SLC45A4: variants seen among roughly 807,000 people sequenced by gnomAD.
The protein encoded by SLC45A4 is solute carrier family 45 member 4.
In SLC45A4, 32 loss-of-function variants were observed where a neutral mutation model predicts 63.7. The observed-to-expected ratio is 0.50, with a 90% confidence interval of 0.38 to 0.67. The LOEUF is 0.67. Among genes scored for constraint, SLC45A4 ranks in the 30% least tolerant of loss-of-function variants. SLC45A4 has a pLI of 0.00. For missense variants in SLC45A4, 1,027 were observed against 1,157.7 expected (o/e 0.89, Z 1.64); for synonymous variants, 535 against 510.0 (o/e 1.05, Z -0.66).
In SLC45A4 at chr8:141,254,441, G is replaced by T; in HGVS notation, c.-212C>A. The T allele has an allele frequency of 1.4e-5, 9 of 651,762 alleles. No homozygotes were observed. The highest frequency in any genetic ancestry group is 3.9e-4 in the Middle Eastern group (1 of 2,576). The allele number at this position is 651,762 out of a possible 1,614,324, so 40.4% of individuals were successfully genotyped here. A position where few individuals can be genotyped will look rare whatever the true frequency, so the allele number is the denominator to read the frequency against. On this transcript the variant is annotated 5_prime_UTR_variant, in exon 2 of 9. Transcript: ENST00000517878. The surrounding 1 kb of genome is among the most constrained non-coding windows in gnomAD (Gnocchi z 4.5). The stretch of plus-strand genomic sequence containing the variant: ...CAGCAACACAGAACGATTTTTGGTT[G>T]GATTTTAAACATATGGCTTGCTGGT...
intron 1 of SLC45A4, among the ~76,000 whole-genome samples, chr8:141,272,053 C>T (rs954045338): frequency 6.6e-6 from 1 of 152,218 alleles, no homozygotes; most frequent in Non-Finnish European, 1.5e-5. Context: ...GTGCAACACA[C>T]ACCTGCGCAC....
chr8:141,236,398 C>A (rs1827627250), intron 2 of SLC45A4, among the ~76,000 whole-genome samples: 1 of 152,224 alleles, frequency 6.6e-6, no homozygotes, highest in Non-Finnish European at 1.5e-5. Flanking sequence ...AAGTGTCTAA[C>A]AGTTACTTCC....
intron 2 of SLC45A4, among the ~76,000 whole-genome samples, chr8:141,252,974 C>CCCACCTGTGCGTCTGT: frequency 2.0e-5 from 1 of 49,078 alleles, no homozygotes; most frequent in African/African-American, 9.7e-5. Flanking sequence ...TGCGTGTCCG[C>CCCACCTGTGCGTCTGT]GAATTTCCGT....
Position 141,254,474 on chromosome 8 carries a change from G to GA in SLC45A4, c.-246dup. The GA allele has an allele frequency of 1.5e-6, 1 of 674,076 alleles. No individual in the cohort carries two copies. The highest frequency in any genetic ancestry group is 2.7e-6 in the Non-Finnish European group (1 of 369,904). The allele number at this position is 674,076 out of a possible 1,614,324, so 41.8% of individuals were successfully genotyped here. A position where few individuals can be genotyped will look rare whatever the true frequency, so the allele number is the denominator to read the frequency against. On this transcript the variant is annotated 5_prime_UTR_variant, in exon 2 of 9. An upstream open reading frame in the 5' UTR loses its in-frame stop. Coordinates refer to ENST00000517878, the MANE Select transcript of SLC45A4 (RefSeq NM_001286646.2). This position sits in a 1 kb window ranked among gnomAD's most constrained non-coding sequence, Gnocchi z 4.5. ...AACATATGGCTTGCTGGTTTACTGT[G>GA]AATTAGAGTTAAAAATCCATAATTG...
Position 141,229,099 on chromosome 8 carries a change from C to T in SLC45A4, c.242-7334G>A, listed in dbSNP as rs552081338. Reference sequence around the variant, plus strand: ...CTGCCTGAAGTACTTTACCTTCCCCCCTTACCTGACATTCAATAACTGCTT... The same window carrying T: ...CTGCCTGAAGTACTTTACCTTCCCCTCTTACCTGACATTCAATAACTGCTT... On this transcript the variant is annotated intron_variant, in intron 2 of 8. Coordinates refer to ENST00000517878, the MANE Select transcript of SLC45A4 (RefSeq NM_001286646.2). The surrounding 1 kb of genome is among the most constrained non-coding windows in gnomAD (Gnocchi z 5.0). Among the ~76,000 whole-genome samples the T allele has an allele frequency of 2.0e-5, 3 of 152,312 alleles. No individual in the cohort carries two copies. The highest frequency in any genetic ancestry group is 2.9e-5 in the Non-Finnish European group (2 of 68,026).
At chr8:141,283,707 G>C (rs1297581254) in intron 1 of SLC45A4, among the ~76,000 whole-genome samples, 1 of 152,232 alleles carries the variant, frequency 6.6e-6, no homozygotes, top group Non-Finnish European at 1.5e-5. Flanking sequence ...AAGTGGCAGT[G>C]TGGGTACAGC....
At chr8:141,262,927 C>A (rs1218306571) in intron 1 of SLC45A4, among the ~76,000 whole-genome samples, 1 of 151,392 alleles carries the variant, frequency 6.6e-6, no homozygotes, top group African/African-American at 2.4e-5. Context: ...ATGTTTATTG[C>A]AGCACTATTC....
chr8:141,240,437 T>C (rs925621505), intron 2 of SLC45A4, among the ~76,000 whole-genome samples: 12 of 152,294 alleles, frequency 7.9e-5, no homozygotes, highest in African/African-American at 2.9e-4. Context: ...GGAAAAAGGC[T>C]ACATGGGAAA....
chr8:141,210,625 AATTT>A lies in SLC45A4; in HGVS notation c.*943_*946del, dbSNP rs1393397641. ...CTTTAAATACACAGAAAATTCAAGTAATTTATTTAAAAACTGCTTTAGTTTCATC... is the reference window on the plus strand; with the variant it reads ...CTTTAAATACACAGAAAATTCAAGTAATTTAAAAACTGCTTTAGTTTCATC... On this transcript the variant is annotated 3_prime_UTR_variant, in exon 9 of 9. Transcript: ENST00000517878. 2.6e-5 allele frequency: 4 copies of A among 152,306 alleles called. No homozygotes were observed. Among genetic ancestry groups the A allele is most frequent in the Middle Eastern group, 3.4e-3 (1 of 294 alleles). The allele number at this position is 152,306 out of a possible 1,614,324, so 9.4% of individuals were successfully genotyped here. A position where few individuals can be genotyped will look rare whatever the true frequency, so the allele number is the denominator to read the frequency against.
intron 1 of SLC45A4, among the ~76,000 whole-genome samples, chr8:141,294,863 T>C (rs1830485872): frequency 1.3e-5 from 2 of 152,176 alleles, no homozygotes; most frequent in African/African-American, 4.8e-5. Context: ...ATGCCAAACC[T>C]AGGCCTCATC....
chr8:141,285,161 G>A (rs937010033), intron 1 of SLC45A4, among the ~76,000 whole-genome samples: 16 of 152,202 alleles, frequency 1.1e-4, no homozygotes, highest in Admixed American at 4.6e-4. Context: ...CGGGTGAAAC[G>A]CCAGCTCCTG....
intron 1 of SLC45A4, among the ~76,000 whole-genome samples, chr8:141,272,457 G>T (rs767310992): frequency 1.3e-5 from 2 of 152,192 alleles, no homozygotes; most frequent in Non-Finnish European, 2.9e-5. Flanking sequence ...CCACGGGAGG[G>T]TCGTGACTGG....
chr8:141,274,851 C>T (rs1202681928), intron 1 of SLC45A4, among the ~76,000 whole-genome samples: 1 of 152,254 alleles, frequency 6.6e-6, no homozygotes, highest in Non-Finnish European at 1.5e-5. Flanking sequence ...TCTGCAAAAC[C>T]CTTCTACTTC....
intron 1 of SLC45A4, among the ~76,000 whole-genome samples, chr8:141,267,274 A>G (rs1248121509): frequency 6.6e-6 from 1 of 152,210 alleles, no homozygotes; most frequent in African/African-American, 2.4e-5. Flanking sequence ...CCGGCAGACC[A>G]CCTGCTGCCG....
intron 2 of SLC45A4, among the ~76,000 whole-genome samples, chr8:141,248,520 T>C (rs1265683576): frequency 2.6e-5 from 4 of 151,924 alleles, no homozygotes; most frequent in Non-Finnish European, 4.4e-5. Flanking sequence ...CAGAGAGCTG[T>C]GATCACACCA....
intron 1 of SLC45A4, among the ~76,000 whole-genome samples, chr8:141,302,408 C>CG (rs1341127447): frequency 1.3e-5 from 2 of 151,118 alleles, no homozygotes; most frequent in Admixed American, 1.3e-4. Context: ...TCCCTCCCCC[C>CG]GACCCCACCC....
Position 141,254,243 on chromosome 8 carries a change from A to G in SLC45A4, c.-14T>C, listed in dbSNP as rs1169659869. 1.3e-6 allele frequency: 2 copies of G among 1,526,986 alleles called. No individual in the cohort carries two copies. Among genetic ancestry groups the G allele is most frequent in the East Asian group, 2.5e-5 (1 of 40,778 alleles). 94.6% of individuals were successfully genotyped at this position (1,526,986 alleles called of 1,614,324 possible). A position where few individuals can be genotyped will look rare whatever the true frequency, so the allele number is the denominator to read the frequency against. ...AGCCATTTTCATTACCACCAAAAATATATGTATTTATCTATATATTCTATC... is the reference window on the plus strand; with the variant it reads ...AGCCATTTTCATTACCACCAAAAATGTATGTATTTATCTATATATTCTATC... On this transcript the variant is annotated 5_prime_UTR_variant, in exon 2 of 9. Transcript: ENST00000517878. The surrounding 1 kb of genome is among the most constrained non-coding windows in gnomAD (Gnocchi z 4.5).
intron 2 of SLC45A4, among the ~76,000 whole-genome samples, chr8:141,244,953 T>TGGGGGGGGGGGGGGGG (rs1332452740): frequency 3.6e-5 from 1 of 27,754 alleles, no homozygotes; most frequent in Non-Finnish European, 6.1e-5. Context: ...CAAGAAGACG[T>TGGGGGGGGGGGGGGGG]GGGTGGGGGG....
chr8:141,292,928 G>A (rs535326812), intron 1 of SLC45A4: 1 of 152,352 alleles, frequency 6.6e-6, no homozygotes, highest in African/African-American at 2.4e-5. Context: ...GGACAGATGA[G>A]TGCGCAGATG....
Sources: allele counts gnomAD v4.1 joint callset (sites outside exome capture counted in the v4.1 genomes callset), GRCh38; gene constraint gnomAD v4.1.1; non-coding constraint Gnocchi (gnomAD v3.1); transcripts MANE v1.5; gene names NCBI Gene and HGNC (gene_info 2026-07-23, HGNC 2026-07-21).